The following CAPS2 variants were observed in gnomAD, a reference collection of about 807,000 sequenced individuals.
The protein encoded by CAPS2 is calcyphosine 2, also known as calcyphosin-2.
Under a neutral mutation model 86.5 loss-of-function variants are expected in CAPS2, and 98 were observed. That is an observed-to-expected ratio of 1.13 (90% CI 0.96 to 1.34). The LOEUF is 1.34. CAPS2 is among the 40% of genes most tolerant of loss of function. CAPS2 has a pLI of 0.00. For missense variants in CAPS2, 729 were observed against 686.8 expected, an observed-to-expected ratio of 1.06 and a Z score of -0.69; for synonymous variants, 210 against 225.1, an observed-to-expected ratio of 0.93 and a Z score of 0.60.
At chr12:75,343,792 G>A in intron 1 of CAPS2, 2 of 1,613,326 alleles carry the variant, frequency 1.2e-6, no homozygotes, top group Non-Finnish European at 8.5e-7. Context: ...ATGCTATGCA[G>A]CTTTTGAATA....
intron 1 of CAPS2, 49 bp from the exon 3 acceptor site, chr12:75,325,337 C>T: frequency 7.9e-7 from 1 of 1,264,376 alleles, no homozygotes; most frequent in Non-Finnish European, 1.1e-6. Context: ...ATGAATATAC[C>T]CTTTATACTT....
At chr12:75,329,780 C>T, upstream of CAPS2, 1 of 1,470,050 alleles carries the variant, frequency 6.8e-7, no homozygotes. Flanking sequence ...GTAATATCTC[C>T]TTTCACCCCA....
intron 1 of CAPS2, among the ~76,000 whole-genome samples, chr12:75,367,224 C>T (rs1436981295): frequency 2.9e-5 from 4 of 139,990 alleles, no homozygotes; most frequent in African/African-American, 5.5e-5. Flanking sequence ...TTAGAATGTA[C>T]CTCTAAACTA....
intron 1 of CAPS2, chr12:75,343,646 T>C: frequency 7.3e-7 from 1 of 1,373,258 alleles, no homozygotes; most frequent in Non-Finnish European, 9.9e-7. Context: ...AATAATTTAA[T>C]GCAAATACTT....
chr12:75,294,560 A>C (rs1399800502), intron 11 of CAPS2, among the ~76,000 whole-genome samples: 1 of 152,170 alleles, frequency 6.6e-6, no homozygotes, highest in Non-Finnish European at 1.5e-5. Flanking sequence ...CCTTGCTCTA[A>C]GTGCAGAACC....
At chr12:75,359,105 A>G (rs1041031520) in intron 1 of CAPS2, among the ~76,000 whole-genome samples, 1 of 150,442 alleles carries the variant, frequency 6.6e-6, no homozygotes, top group African/African-American at 2.4e-5. Flanking sequence ...AAGTTTAGCA[A>G]TCTTTTAGGA....
At chr12:75,284,624 ATAGGAAACTGAGGCT>A (rs980126287) in intron 15 of CAPS2, among the ~76,000 whole-genome samples, 4 of 152,112 alleles carry the variant, frequency 2.6e-5, no homozygotes, top group African/African-American at 9.7e-5. Flanking sequence ...ACTCTGTGAG[ATAGGAAACTGAGGCT>A]TAGGAATATT....
At chr12:75,319,573 C>A (rs146239894) in intron 5 of CAPS2, among the ~76,000 whole-genome samples, 4 of 152,230 alleles carry the variant, frequency 2.6e-5, no homozygotes, top group African/African-American at 4.8e-5. Flanking sequence ...ATACATTACC[C>A]AGCCTCGGGT....
intron 8 of CAPS2, among the ~76,000 whole-genome samples, chr12:75,301,936 A>G (rs1200548780): frequency 6.6e-6 from 1 of 152,240 alleles, no homozygotes; most frequent in Non-Finnish European, 1.5e-5. Flanking sequence ...GTATGAATTT[A>G]GTATTGATAA....
At position 75,306,099 on chromosome 12, in the gene CAPS2, A is replaced by G. The variant is rs958188625; in HGVS notation, c.660-1223T>C. 29 of 1,380,416 alleles carry G rather than the reference A, an allele frequency of 2.1e-5. No individual in the cohort carries two copies. In the African/African-American group the frequency reaches 4.0e-4, roughly 19 times the overall value. The allele number at this position is 1,380,416 out of a possible 1,614,324, so 85.5% of individuals were successfully genotyped here. A position where few individuals can be genotyped will look rare whatever the true frequency, so the allele number is the denominator to read the frequency against. Reference sequence around the variant, plus strand: ...CGTCCTGGGGCTGCGGCCCTGGAAGAAGCACTCCACCTTCCACATTCGGGA... The same window carrying G: ...CGTCCTGGGGCTGCGGCCCTGGAAGGAGCACTCCACCTTCCACATTCGGGA... On this transcript the variant is annotated intron_variant, in intron 7 of 16. Transcript: ENST00000393284.
At chr12:75,277,566 G>T in exon 17 of CAPS2, 2 of 952,914 alleles carry the variant, frequency 2.1e-6, no homozygotes, top group Non-Finnish European at 2.5e-6. Context: ...TAGCACTAGA[G>T]GTTTACACAT....
exon 9 of CAPS2, chr12:75,299,860 C>A (rs781631186): frequency 1.3e-6 from 2 of 1,527,688 alleles, no homozygotes; most frequent in Admixed American, 1.9e-5. Flanking sequence ...TACCATCAAA[C>A]TGTAATTTAT....
chr12:75,356,732 CA>C (rs1247288908), intron 1 of CAPS2, among the ~76,000 whole-genome samples: 4 of 151,978 alleles, frequency 2.6e-5, no homozygotes, highest in Non-Finnish European at 5.9e-5. Flanking sequence ...ATAAATGCCC[CA>C]AACTAAAAAA....
At position 75,375,380 on chromosome 12, in the gene CAPS2, C is replaced by A. The variant is rs148209434; in HGVS notation, c.-395+15458G>T. On this transcript the variant is annotated intron_variant, in intron 1 of 5. Transcript: ENST00000551829. ...ATCAATGTCAGCTCAGAGCCAATAT[C>A]CAGTAGTTCCTGCAAGGTCTCATCA... Among the ~76,000 whole-genome samples the A allele has an allele frequency of 6.2e-3, 938 of 152,268 alleles. 6 individuals are homozygous for A. Among genetic ancestry groups the A allele is most frequent in the African/African-American group, 0.021 (858 of 41,546 alleles).
At chr12:75,282,961 G>A (rs148678730) in intron 15 of CAPS2, among the ~76,000 whole-genome samples, 7 of 152,168 alleles carry the variant, frequency 4.6e-5, no homozygotes, top group African/African-American at 1.7e-4. Flanking sequence ...CTGAAGAGAT[G>A]GGTAAAAGAC....
chr12:75,308,585 TG>T (rs1190281832), intron 7 of CAPS2, among the ~76,000 whole-genome samples: 20 of 152,328 alleles, frequency 1.3e-4, no homozygotes, highest in African/African-American at 4.8e-4. Flanking sequence ...GTAATAGTTT[TG>T]ATTTGTTATT....
chr12:75,280,402 A>G (rs2137999853), intron 16 of CAPS2, among the ~76,000 whole-genome samples: 1 of 151,928 alleles, frequency 6.6e-6, no homozygotes, highest in African/African-American at 2.4e-5. Context: ...GCCTGTTGTC[A>G]TTTTTAATAT....
chr12:75,345,822 AAAAC>A (rs1318717328), intron 1 of CAPS2, among the ~76,000 whole-genome samples: 2 of 152,168 alleles, frequency 1.3e-5, no homozygotes, highest in African/African-American at 2.4e-5. Context: ...AAAAACAAAC[AAAAC>A]AAACAAAACA....
intron 11 of CAPS2, among the ~76,000 whole-genome samples, chr12:75,295,397 A>G (rs1385903416): frequency 6.6e-6 from 1 of 152,218 alleles, no homozygotes; most frequent in African/African-American, 2.4e-5. Flanking sequence ...AAATCAGTGT[A>G]TATCCAACAT....
Sources: allele counts gnomAD v4.1 joint callset (sites outside exome capture counted in the v4.1 genomes callset), GRCh38; gene constraint gnomAD v4.1.1; transcripts MANE v1.5; gene names NCBI Gene and HGNC (gene_info 2026-07-23, HGNC 2026-07-21).